Variants in IFT81 observed in about 807,000 individuals in gnomAD.
IFT81 encodes intraflagellar transport protein 81 homolog.
In IFT81, 72 loss-of-function variants were observed where a neutral mutation model predicts 102.6. That is an observed-to-expected ratio of 0.70 (90% CI 0.58 to 0.85). The LOEUF (loss-of-function observed/expected upper bound fraction) is 0.85. Among genes scored for constraint, IFT81 ranks in the 40% least tolerant of loss-of-function variants. The probability of loss-of-function intolerance (pLI) is 0.00; values close to 1 mark genes in which losing one functional copy is unlikely to be tolerated. For synonymous variants in IFT81, 237 were observed against 242.7 expected, an observed-to-expected ratio of 0.98 and a Z score of 0.22; for missense variants, 723 against 787.3, an observed-to-expected ratio of 0.92 and a Z score of 0.98.
intron 18 of IFT81, among the ~76,000 whole-genome samples, chr12:110,214,050 G>A (rs1869786523): frequency 6.6e-6 from 1 of 151,988 alleles, no homozygotes; most frequent in Non-Finnish European, 1.5e-5. Context: ...AAAAATAAAA[G>A]GAAGCCTTCT....
At chr12:110,136,440 A>C (rs1426607234) in intron 7 of IFT81, among the ~76,000 whole-genome samples, 4 of 152,238 alleles carry the variant, frequency 2.6e-5, no homozygotes, top group African/African-American at 2.4e-5. Flanking sequence ...CTGAAACATC[A>C]CTATATCAAT....
intron 10 of IFT81, among the ~76,000 whole-genome samples, chr12:110,159,499 C>T (rs12313068): frequency 0.24 from 35,951 of 152,042 alleles, 5,811 homozygotes; most frequent in African/African-American, 0.46. Flanking sequence ...TGCATTTCCC[C>T]GGACATGTGT....
intron 17 of IFT81, among the ~76,000 whole-genome samples, chr12:110,207,943 A>G (rs1193054874): frequency 6.6e-6 from 1 of 152,110 alleles, no homozygotes; most frequent in Non-Finnish European, 1.5e-5. Context: ...TAATTTTTAC[A>G]TTAAAATTTT....
At chr12:110,157,218 G>A (rs747563762) in intron 10 of IFT81, among the ~76,000 whole-genome samples, 24 of 151,936 alleles carry the variant, frequency 1.6e-4, no homozygotes, top group African/African-American at 3.9e-4. Flanking sequence ...GGGTGGTGGC[G>A]TGTGCCTGTA....
In IFT81 at chr12:110,124,517, C is replaced by G. The variant is rs1893710184; in HGVS notation, c.-366C>G. On this transcript the variant is annotated 5_prime_UTR_variant, in exon 1 of 19. Coordinates refer to ENST00000242591, the MANE Select transcript of IFT81 (RefSeq NM_014055.4). Reference sequence around the variant, plus strand: ...GAGAGAGCTCCCGTCCTCTCTCGGTCCTGATGCAGCACCTCGCAAGTGGAA... The same window carrying G: ...GAGAGAGCTCCCGTCCTCTCTCGGTGCTGATGCAGCACCTCGCAAGTGGAA... 6.6e-6 allele frequency: 1 copy of G among 152,248 alleles called. No individual in the cohort carries two copies. Among genetic ancestry groups the G allele is most frequent in the Non-Finnish European group, 1.5e-5 (1 of 68,092 alleles). The allele number at this position is 152,248 out of a possible 1,614,324, so 9.4% of individuals were successfully genotyped here.
At chr12:110,196,088 T>A (rs533601476) in intron 14 of IFT81, among the ~76,000 whole-genome samples, 1 of 152,326 alleles carries the variant, frequency 6.6e-6, no homozygotes, top group South Asian at 2.1e-4. Flanking sequence ...CGGAAACTTT[T>A]TCAGATGAAA....
At chr12:110,138,297 C>G (rs1186289111) in intron 8 of IFT81, among the ~76,000 whole-genome samples, 3 of 152,126 alleles carry the variant, frequency 2.0e-5, no homozygotes, top group African/African-American at 7.2e-5. Context: ...TTAATAAGCT[C>G]TAACTTTTCA....
intron 14 of IFT81, among the ~76,000 whole-genome samples, chr12:110,197,687 G>A (rs1898075849): frequency 1.3e-5 from 2 of 150,268 alleles, no homozygotes; most frequent in African/African-American, 4.9e-5. Flanking sequence ...TTATCCTCCG[G>A]CATTTTTTTT....
chr12:110,173,999 C>T (rs1896913881), intron 11 of IFT81, among the ~76,000 whole-genome samples: 1 of 151,820 alleles, frequency 6.6e-6, no homozygotes, highest in South Asian at 2.1e-4. Flanking sequence ...AAAATTAGGC[C>T]GGGCACGGTG....
At chr12:110,131,815 T>G (rs1027774642) in intron 4 of IFT81, among the ~76,000 whole-genome samples, 2 of 152,180 alleles carry the variant, frequency 1.3e-5, no homozygotes, top group African/African-American at 4.8e-5. Context: ...GTACATGATA[T>G]CTACTCTGAT....
At chr12:110,211,881 G>A (rs1170183365) in intron 18 of IFT81, among the ~76,000 whole-genome samples, 1 of 152,082 alleles carries the variant, frequency 6.6e-6, no homozygotes, top group Non-Finnish European at 1.5e-5. Context: ...TTAAAATACT[G>A]ACTATATATG....
At position 110,127,524 on chromosome 12, in the gene IFT81, G is replaced by A. The variant is rs1454465713; in HGVS notation, c.144G>A (p.Lys48=). 2 of 1,586,288 alleles carry A rather than the reference G, an allele frequency of 1.3e-6. No homozygotes were observed. The highest frequency in any genetic ancestry group is 1.7e-6 in the Non-Finnish European group (2 of 1,171,864). ...ATGTTCTGGCTGAGATTGACCCAAAGGTAAGAGTTTTCTCTTTCTTTTTGA... is the reference window on the plus strand; with the variant it reads ...ATGTTCTGGCTGAGATTGACCCAAAAGTAAGAGTTTTCTCTTTCTTTTTGA... ...LSDVLAEIDP[K]QLVDIREEMP... is the part of the protein sequence containing the mutation. Residue 48 remains lysine (K), a splice_region_variant and synonymous_variant, in exon 2 of 19, where the codon AAG becomes AAA. Coordinates refer to ENST00000242591, the MANE Select transcript of IFT81 (RefSeq NM_014055.4).
chr12:110,179,773 T>TACACACACACACACACACAC (rs34207126), intron 11 of IFT81, among the ~76,000 whole-genome samples: 13 of 50,462 alleles, frequency 2.6e-4, no homozygotes, highest in African/African-American at 4.9e-4. Context: ...TATATATATA[T>TACACACACACACACACACAC]ACACACACAC....
At chr12:110,192,971 C>A (rs978236674) in intron 14 of IFT81, among the ~76,000 whole-genome samples, 1 of 152,048 alleles carries the variant, frequency 6.6e-6, no homozygotes, top group Non-Finnish European at 1.5e-5. Flanking sequence ...TCGAGACCAG[C>A]CTGTCTAACA....
intron 17 of IFT81, among the ~76,000 whole-genome samples, chr12:110,207,675 G>C (rs1329990629): frequency 6.9e-6 from 1 of 144,176 alleles, no homozygotes; most frequent in African/African-American, 2.6e-5. Flanking sequence ...CCATTCTCCT[G>C]CCTCAGCCTC....
At chr12:110,203,485 C>A in intron 14 of IFT81, 1 of 186,146 alleles carries the variant, frequency 5.4e-6, no homozygotes, top group Non-Finnish European at 1.1e-5. Context: ...CCCCACTGAT[C>A]CCCAAGCCTG....
chr12:110,132,784 G>T (rs920404016), intron 5 of IFT81, 148 bp downstream of exon 5: 7 of 508,292 alleles, frequency 1.4e-5, no homozygotes, highest in Non-Finnish European at 2.5e-5. Context: ...ACCTTTGGTA[G>T]TTCCTTACTG....
chr12:110,132,158 G>A (rs924085330), intron 4 of IFT81, among the ~76,000 whole-genome samples: 2 of 152,104 alleles, frequency 1.3e-5, no homozygotes, highest in Admixed American at 6.6e-5. Context: ...TAAGTTAATA[G>A]ATAACCTGAT....
At chr12:110,199,174 T>C (rs1262261191) in intron 14 of IFT81, among the ~76,000 whole-genome samples, 1 of 152,160 alleles carries the variant, frequency 6.6e-6, no homozygotes, top group East Asian at 1.9e-4. Context: ...AATATACTTA[T>C]TTAGTTGGCT....
Sources: allele counts gnomAD v4.1 joint callset (sites outside exome capture counted in the v4.1 genomes callset), GRCh38; gene constraint gnomAD v4.1.1; transcripts MANE v1.5; gene names NCBI Gene and HGNC (gene_info 2026-07-23, HGNC 2026-07-21).